The following B3GNT7 variants were observed in gnomAD, a reference collection of about 807,000 sequenced individuals.
B3GNT7 encodes UDP-GlcNAc:betaGal beta-1,3-N-acetylglucosaminyltransferase 7, also known as BGnT-7.
B3GNT7 carries 9 observed loss-of-function variants against 5.1 expected under a neutral mutation model. The ratio of observed to expected loss-of-function variants is 1.77; its 90% CI spans 1.07 to 3.09. B3GNT7 has a LOEUF of 3.09. B3GNT7 is among the 30% of genes most tolerant of loss of function. The pLI, the probability that B3GNT7 is intolerant of heterozygous loss-of-function variation, is 0.00. For missense variants in B3GNT7, 468 were observed against 550.8 expected (o/e 0.85, Z 1.50); for synonymous variants, 253 against 248.6 (o/e 1.02, Z -0.17).
Position 231,398,610 on chromosome 2 carries a change from T to C in B3GNT7, c.891T>C (p.Tyr297=). 6.2e-7 allele frequency: 1 copy of C among 1,612,640 alleles called. No individual in the cohort carries two copies. The highest frequency in any genetic ancestry group is 8.5e-7 in the Non-Finnish European group (1 of 1,179,618). Residue 297 remains tyrosine (Y), a synonymous_variant, in exon 2 of 2, where the codon TAT becomes TAC. Transcript: ENST00000287590. The part of the protein sequence containing the change: ...ALYGKASYPP[Y]AGGGGFLMAG... ...ACGGCAAGGCCAGCTATCCGCCGTA[T>C]GCAGGCGGCGGTGGCTTCCTCATGG...
rs4972989 is a variant in B3GNT7 at position 231,395,826 on chromosome 2, T to G, written c.11+12T>G. On this transcript the variant is annotated intron_variant, in intron 1 of 1. Coordinates refer to ENST00000287590, the MANE Select transcript of B3GNT7 (RefSeq NM_145236.3). This position sits in a 1 kb window ranked among gnomAD's most constrained non-coding sequence, Gnocchi z 7.3. ...GCCATGTCGCTGTGGTGAGTGGGGC[T>G]GGGGGCCGTCGGGGGCCTGGGCGGG... The G allele has an allele frequency of 0.73, 840,997 of 1,158,682 alleles. 307,641 individuals carry two copies. The highest frequency in any genetic ancestry group is 0.95 in the African/African-American group (58,486 of 61,516). The allele number at this position is 1,158,682 out of a possible 1,614,324, so 71.8% of individuals were successfully genotyped here.
chr2:231,396,886 G>A (rs1488661131), intron 1 of B3GNT7, among the ~76,000 whole-genome samples: 1 of 152,164 alleles, frequency 6.6e-6, no homozygotes, highest in Non-Finnish European at 1.5e-5. Context: ...TGTGGACCGG[G>A]GTTGGGGTGG....
Position 231,398,232 on chromosome 2 carries a change from G to A in B3GNT7, c.513G>A (p.Val171=), listed in dbSNP as rs778107138. Reference sequence around the variant, plus strand: ...CCGCGGGTGGGGGCCGAGGCGCCGTGCGCACCCTCTTCCTGCTGGGCACGG... The same window carrying A: ...CCGCGGGTGGGGGCCGAGGCGCCGTACGCACCCTCTTCCTGCTGGGCACGG... ...RQSAGGGRGA[V]RTLFLLGTAS... Residue 171 remains valine (V), a synonymous_variant, in exon 2 of 2, where the codon GTG becomes GTA. Transcript: ENST00000287590. 4 of 1,609,424 alleles carry A rather than the reference G, an allele frequency of 2.5e-6. No homozygotes were observed. The highest frequency in any genetic ancestry group is 4.5e-5 in the East Asian group (2 of 44,838).
In B3GNT7 at chr2:231,397,337, G is replaced by A. The variant is rs142956584; in HGVS notation, c.12-394G>A. The stretch of plus-strand genomic sequence containing the variant: ...TCCAGGCGTGGGGAACAGGGCAGAG[G>A]TTTCCACCTGAGGCCCTCCTGTTAA... On this transcript the variant is annotated intron_variant, in intron 1 of 1. Transcript: ENST00000287590. 9.4e-5 allele frequency: 80 copies of A among 847,092 alleles called. No individual in the cohort carries two copies. In the South Asian group the frequency reaches 2.8e-3, roughly 29 times the overall value. The allele number at this position is 847,092 out of a possible 1,614,324, so 52.5% of individuals were successfully genotyped here.
chr2:231,397,318 C>G, intron 1 of B3GNT7: 1 of 956,832 alleles, frequency 1.0e-6, no homozygotes, highest in Non-Finnish European at 1.2e-6. Context: ...GGGTTCCAGG[C>G]GTGGGGAACA....
chr2:231,397,500 G>C (rs922071367), intron 1 of B3GNT7, among the ~76,000 whole-genome samples: 2 of 152,128 alleles, frequency 1.3e-5, no homozygotes, highest in Non-Finnish European at 2.9e-5. Context: ...GCTTGTAAGC[G>C]TCAGGGCCTG....
chr2:231,397,259 G>T, intron 1 of B3GNT7: 1 of 987,536 alleles, frequency 1.0e-6, no homozygotes, highest in South Asian at 4.7e-5. Flanking sequence ...TAATGATACC[G>T]ATACCTACTG....
Position 231,398,955 on chromosome 2 carries a change from G to A in B3GNT7, c.*30G>A. Reference sequence around the variant, plus strand: ...AGCCGGGCTACTAGGACAGGCCAGGGCACTTGCTCCTGAGCCCCCATGGTA... The same window carrying A: ...AGCCGGGCTACTAGGACAGGCCAGGACACTTGCTCCTGAGCCCCCATGGTA... On this transcript the variant is annotated 3_prime_UTR_variant, in exon 2 of 2. Coordinates refer to ENST00000287590, the MANE Select transcript of B3GNT7 (RefSeq NM_145236.3). 2 of 1,523,670 alleles carry A rather than the reference G, an allele frequency of 1.3e-6. No individual in the cohort carries two copies. The highest frequency in any genetic ancestry group is 1.8e-6 in the Non-Finnish European group (2 of 1,137,302). The allele number at this position is 1,523,670 out of a possible 1,614,324, so 94.4% of individuals were successfully genotyped here.
At position 231,398,114 on chromosome 2, in the gene B3GNT7, G is replaced by A. The variant is rs779323021; in HGVS notation, c.395G>A (p.Gly132Asp). The change falls in exon 2 of 2, where the codon GGC becomes GAC. Residue 132 changes from glycine (G) to aspartate (D), a missense_variant. Physicochemically the swap from Gly to Asp is moderately conservative, Grantham distance 94 (BLOSUM62 -1). Transcript: ENST00000287590. ...CTGAACCACCCGGAGAAGTGCAGGG[G>A]CGATGTCTACCTGCTGGTGGTTGTC... ...MLLNHPEKCR[G>D]DVYLLVVVKS... 1 of 1,609,724 alleles carries A rather than the reference G, an allele frequency of 6.2e-7. No homozygotes were observed.
At position 231,398,499 on chromosome 2, in the gene B3GNT7, G is replaced by A. The variant is rs991832131; in HGVS notation, c.780G>A (p.Gln260=). ...AATTTCTGGCTGACCGGCAGCCACA[G>A]GAAAACCTGTTCGTGGGCGATGTCC... ...LLEFLADRQP[Q]ENLFVGDVLQ... The change falls in exon 2 of 2, where the codon CAG becomes CAA. Residue 260 remains glutamine (Q), a synonymous_variant. Transcript: ENST00000287590. 1.8e-5 allele frequency: 29 copies of A among 1,613,700 alleles called. No homozygotes were observed. The highest frequency in any genetic ancestry group is 2.1e-5 in the Non-Finnish European group (25 of 1,179,874).
At chr2:231,396,893 G>A (rs1236721873) in intron 1 of B3GNT7, among the ~76,000 whole-genome samples, 5 of 152,014 alleles carry the variant, frequency 3.3e-5, no homozygotes, top group Admixed American at 1.3e-4. Flanking sequence ...CGGGGTTGGG[G>A]TGGGGGGGTC....
chr2:231,397,675 G>T, intron 1 of B3GNT7, 56 bp from the exon 2 acceptor site: 1 of 1,484,630 alleles, frequency 6.7e-7, no homozygotes. Context: ...GGGGCGCCAG[G>T]AGAGCCCTGG....
rs778597902 is a variant in B3GNT7, at chr2:231,397,991, C to G, written c.272C>G (p.Ala91Gly). The G allele has an allele frequency of 6.2e-7, 1 of 1,611,394 alleles. No individual in the cohort carries two copies. The highest frequency in any genetic ancestry group is 1.1e-5 in the South Asian group (1 of 91,090). The change falls in exon 2 of 2, where the codon GCC becomes GGC. Residue 91 changes from alanine (A) to glycine (G), a missense_variant. By Grantham distance (60) the Ala-to-Gly change is moderately conservative. Transcript: ENST00000287590. The stretch of plus-strand genomic sequence containing the variant: ...GACGTGACCACCACTAACTGCTCAG[C>G]CAATATCAACTTGACCCACCAGCCC... ...AWDVTTTNCS[A>G]NINLTHQPWF...
rs934145414 is a variant in B3GNT7 at position 231,399,721 on chromosome 2, C to T, written c.*796C>T. ...GCCCCCACACCCCCAGGCCTGGCTC[C>T]CTGGCTGGAAAGCAGCCGGTTTGGC... On this transcript the variant is annotated 3_prime_UTR_variant, in exon 2 of 2. Coordinates refer to ENST00000287590, the MANE Select transcript of B3GNT7 (RefSeq NM_145236.3). 1 of 152,234 alleles carries T rather than the reference C, an allele frequency of 6.6e-6. No individual in the cohort carries two copies. The highest frequency in any genetic ancestry group is 2.4e-5 in the African/African-American group (1 of 41,414). The allele number at this position is 152,234 out of a possible 1,614,324, so 9.4% of individuals were successfully genotyped here.
chr2:231,396,106 TG>T (rs1053835176), intron 1 of B3GNT7, among the ~76,000 whole-genome samples: 51 of 152,090 alleles, frequency 3.4e-4, no homozygotes, highest in Admixed American at 6.5e-4. Flanking sequence ...CCCTGGCGGC[TG>T]GGACCCCAGG....
chr2:231,398,986 G>T lies in B3GNT7; in HGVS notation c.*61G>T. The stretch of plus-strand genomic sequence containing the variant: ...GCTCCTGAGCCCCCATGGTATTGGG[G>T]CTGGAGCCACAGTGCCCAGGCCTAG... On this transcript the variant is annotated 3_prime_UTR_variant, in exon 2 of 2. Transcript: ENST00000287590. 1 of 1,424,752 alleles carries T rather than the reference G, an allele frequency of 7.0e-7. No individual in the cohort carries two copies. Among genetic ancestry groups the T allele is most frequent in the South Asian group, 1.3e-5 (1 of 74,826 alleles). 88.3% of individuals were successfully genotyped at this position (1,424,752 alleles called of 1,614,324 possible).
rs145105825 is a variant in B3GNT7 at position 231,398,820 on chromosome 2, C to T, written c.1101C>T (p.Phe367=). ...GCATGAACAAGGAGCCGTGCTTTTT[C>T]CGCGCCATGCTCGTGGTGCACAAGC... ...NSRMNKEPCF[F]RAMLVVHKLL... The change falls in exon 2 of 2, where the codon TTC becomes TTT. Residue 367 remains phenylalanine, a synonymous_variant. Coordinates refer to ENST00000287590, the MANE Select transcript of B3GNT7 (RefSeq NM_145236.3). The T allele has an allele frequency of 2.3e-5, 37 of 1,604,046 alleles. No individual in the cohort carries two copies. The highest frequency in any genetic ancestry group is 3.3e-4 in the Middle Eastern group (2 of 6,062).
In B3GNT7 at chr2:231,397,913, C is replaced by T. The variant is rs372799734; in HGVS notation, c.194C>T (p.Pro65Leu). 34 of 1,613,752 alleles carry T rather than the reference C, an allele frequency of 2.1e-5. No individual in the cohort carries two copies. The highest frequency in any genetic ancestry group is 6.7e-5 in the East Asian group (3 of 44,886). The change falls in exon 2 of 2, where the codon CCG (proline) becomes CTG (leucine). Residue 65 changes from proline (P) to leucine (L), a missense_variant. Coordinates refer to ENST00000287590, the MANE Select transcript of B3GNT7 (RefSeq NM_145236.3). ...AACCCCAACAACTTCTGGAAGAACC[C>T]GAAAGATGTGGCTGCGCCCACGCCC... ...LVNPNNFWKN[P>L]KDVAAPTPMA...
In B3GNT7 at chr2:231,400,095, C is replaced by CTTTTTTT. The variant is rs71052575; in HGVS notation, c.*1190_*1196dup. 1 of 62,678 alleles carries CTTTTTTT rather than the reference C, an allele frequency of 1.6e-5. No homozygotes were observed. The highest frequency in any genetic ancestry group is 3.0e-5 in the Non-Finnish European group (1 of 33,592). The allele number at this position is 62,678 out of a possible 1,614,324, so 3.9% of individuals were successfully genotyped here. On this transcript the variant is annotated 3_prime_UTR_variant, in exon 2 of 2. Transcript: ENST00000287590. ...ACACTATTTTCTCAATAAAATGGGACTTTTTTTTTTTTTTTTTTTTTTTTT... is the reference window on the plus strand; with the variant it reads ...ACACTATTTTCTCAATAAAATGGGACTTTTTTTTTTTTTTTTTTTTTTTTTTTTTTTT...
Sources: gnomAD v4.1 joint callset for allele counts (sites outside exome capture counted in the v4.1 genomes callset) on GRCh38, gnomAD v4.1.1 for gene constraint, Gnocchi (gnomAD v3.1) non-coding constraint, MANE v1.5 for transcripts, NCBI Gene and HGNC (gene_info 2026-07-23, HGNC 2026-07-21) for gene names.